Variants in ADAMTS16 observed in about 807,000 individuals in gnomAD.
ADAMTS16 encodes the protein ADAM metallopeptidase with thrombospondin type 1 motif 16.
ADAMTS16 carries 94 observed loss-of-function variants against 145.8 expected under a neutral mutation model. That is an observed-to-expected ratio of 0.64 (90% CI 0.55 to 0.77). The LOEUF (loss-of-function observed/expected upper bound fraction) is 0.77. Among genes scored for constraint, ADAMTS16 ranks in the 30% least tolerant of loss-of-function variants. The probability of loss-of-function intolerance (pLI) is 0.00; values close to 1 mark genes in which losing one functional copy is unlikely to be tolerated. For missense variants in ADAMTS16, 1,585 were observed against 1,591.5 expected, an observed-to-expected ratio of 1.00 and a Z score of 0.07; for synonymous variants, 659 against 604.3, an observed-to-expected ratio of 1.09 and a Z score of -1.33.
intron 11 of ADAMTS16, among the ~76,000 whole-genome samples, chr5:5,228,381 A>T (rs1048697233): frequency 6.6e-6 from 1 of 152,230 alleles, no homozygotes; most frequent in Non-Finnish European, 1.5e-5. Context: ...TATATTGTTA[A>T]GAACCAAGAT....
At chr5:5,241,545 A>G (rs934915864) in intron 16 of ADAMTS16, among the ~76,000 whole-genome samples, 1 of 152,290 alleles carries the variant, frequency 6.6e-6, no homozygotes, top group African/African-American at 2.4e-5. Context: ...CGTTATTTGA[A>G]TTCACCAGGA....
intron 20 of ADAMTS16, 151 bp downstream of exon 20, chr5:5,303,917 A>G: frequency 1.1e-6 from 1 of 878,526 alleles, no homozygotes; most frequent in Non-Finnish European, 1.7e-6. Context: ...CAACAACTTC[A>G]TGGGGTTGCT....
At chr5:5,174,207 T>G (rs192678963) in intron 3 of ADAMTS16, among the ~76,000 whole-genome samples, 9 of 152,324 alleles carry the variant, frequency 5.9e-5, no homozygotes, top group Admixed American at 5.9e-4. Flanking sequence ...TGAGGGATAT[T>G]TTCTCTGCAT....
chr5:5,199,239 G>A (rs573240328), intron 8 of ADAMTS16, among the ~76,000 whole-genome samples: 12 of 152,102 alleles, frequency 7.9e-5, no homozygotes, highest in Admixed American at 3.9e-4. Flanking sequence ...ATTCTCACAG[G>A]TGCACGGCTC....
chr5:5,201,318 G>A (rs1366112296), intron 9 of ADAMTS16, among the ~76,000 whole-genome samples: 1 of 152,026 alleles, frequency 6.6e-6, no homozygotes, highest in Non-Finnish European at 1.5e-5. Context: ...GCCACATGAT[G>A]AACCCCAAAT....
chr5:5,229,081 G>A (rs986121938), intron 11 of ADAMTS16, among the ~76,000 whole-genome samples: 20 of 151,974 alleles, frequency 1.3e-4, no homozygotes, highest in South Asian at 6.2e-4. Context: ...GGTGGATCAC[G>A]AGGTCAGGAG....
intron 18 of ADAMTS16, among the ~76,000 whole-genome samples, chr5:5,276,506 G>A (rs957713304): frequency 6.6e-6 from 1 of 152,210 alleles, no homozygotes; most frequent in Non-Finnish European, 1.5e-5. Flanking sequence ...TATACAAAGA[G>A]CGAAGTGAGC....
At chr5:5,237,544 T>A (rs887279608) in intron 14 of ADAMTS16, among the ~76,000 whole-genome samples, 3 of 151,624 alleles carry the variant, frequency 2.0e-5, no homozygotes, top group African/African-American at 7.3e-5. Context: ...AAGAAGAGGG[T>A]CTCCAAGGCC....
rs575453538 is a variant in ADAMTS16, at chr5:5,234,857, G to A, written c.1851-157G>A. Among the ~76,000 whole-genome samples the A allele has an allele frequency of 6.9e-5, 8 of 115,564 alleles. No individual in the cohort carries two copies. The East Asian group carries it at 2.0e-3, about 28-fold the overall frequency. The allele number at this position is 115,564 out of a possible 152,430, so 75.8% of individuals were successfully genotyped here. ...TACACTCCAGCCTGGGTGACAGAGCGAGACTCCATCTCAAAAAAAAAAAAA... is the reference window on the plus strand; with the variant it reads ...TACACTCCAGCCTGGGTGACAGAGCAAGACTCCATCTCAAAAAAAAAAAAA... On this transcript the variant is annotated intron_variant, in intron 12 of 22. Transcript: ENST00000274181.
Position 5,274,744 on chromosome 5 carries a change from A to ATT in ADAMTS16, c.2789+11962_2789+11963insTT, listed in dbSNP as rs1738623671. ...CACACACATGCACACACAGATATATATATATACACATATATGTATATCATC... is the reference window on the plus strand; with the variant it reads ...CACACACATGCACACACAGATATATATTTATATACACATATATGTATATCATC... On this transcript the variant is annotated intron_variant, in intron 18 of 22. Transcript: ENST00000274181. 4.6e-5 allele frequency among the ~76,000 whole-genome samples: 7 copies of ATT among 151,784 alleles called. No homozygotes were observed. In the South Asian group the frequency reaches 1.5e-3, roughly 32 times the overall value.
At chr5:5,210,842 C>T (rs1042295999) in intron 10 of ADAMTS16, among the ~76,000 whole-genome samples, 7 of 152,092 alleles carry the variant, frequency 4.6e-5, no homozygotes, top group African/African-American at 9.7e-5. Context: ...ATTGTTTCCT[C>T]CTTTGTTCTA....
chr5:5,277,072 G>A (rs1738729736), intron 18 of ADAMTS16, among the ~76,000 whole-genome samples: 1 of 152,176 alleles, frequency 6.6e-6, no homozygotes, highest in African/African-American at 2.4e-5. Flanking sequence ...TGTTGGACAT[G>A]AAACCTATGA....
chr5:5,262,857 T>C, intron 18 of ADAMTS16, 74 bp downstream of exon 18: 1 of 1,579,014 alleles, frequency 6.3e-7, no homozygotes. Flanking sequence ...CAGCTCCTGA[T>C]TTCGAGAGAG....
chr5:5,317,561 A>T lies in ADAMTS16; in HGVS notation c.3412-573A>T, dbSNP rs186841198. ...AGGTGCCCACCACCAGGCCCAGCTA[A>T]TTTTTTTTCTTTTTTTAATAGAGAC... On this transcript the variant is annotated intron_variant, in intron 21 of 22. Coordinates refer to ENST00000274181, the MANE Select transcript of ADAMTS16 (RefSeq NM_139056.4). This position sits in a 1 kb window ranked among gnomAD's most constrained non-coding sequence, Gnocchi z 4.5. 2.7e-5 allele frequency among the ~76,000 whole-genome samples: 4 copies of T among 150,590 alleles called. No individual in the cohort carries two copies. The highest frequency in any genetic ancestry group is 2.6e-4 in the Admixed American group (4 of 15,142).
chr5:5,231,828 G>A (rs565147707), intron 11 of ADAMTS16, among the ~76,000 whole-genome samples: 2 of 152,290 alleles, frequency 1.3e-5, no homozygotes, highest in East Asian at 1.9e-4. Flanking sequence ...TCATCACCCT[G>A]GAAGCTGCGT....
chr5:5,268,299 C>T (rs560582608), intron 18 of ADAMTS16, among the ~76,000 whole-genome samples: 14 of 152,328 alleles, frequency 9.2e-5, no homozygotes, highest in African/African-American at 3.1e-4. Context: ...TGTAAAGTAT[C>T]TGCCTCACGT....
At chr5:5,279,879 C>CCCTT (rs769836445) in intron 18 of ADAMTS16, among the ~76,000 whole-genome samples, 1 of 148,814 alleles carries the variant, frequency 6.7e-6, no homozygotes, top group African/African-American at 2.5e-5. Flanking sequence ...TTCCCTCCCT[C>CCCTT]CCTTCCTTCC....
chr5:5,168,749 T>C (rs1190660868), intron 3 of ADAMTS16, among the ~76,000 whole-genome samples: 2 of 139,598 alleles, frequency 1.4e-5, no homozygotes, highest in Non-Finnish European at 3.0e-5. Flanking sequence ...TAAAATATAA[T>C]TATATAATTA....
At chr5:5,189,530 T>A (rs1232530077) in intron 6 of ADAMTS16, among the ~76,000 whole-genome samples, 1 of 152,236 alleles carries the variant, frequency 6.6e-6, no homozygotes, top group Non-Finnish European at 1.5e-5. Context: ...AAGACTTATT[T>A]ATTGGAAATC....
Sources: gnomAD v4.1 joint callset for allele counts (sites outside exome capture counted in the v4.1 genomes callset) on GRCh38, gnomAD v4.1.1 for gene constraint, Gnocchi (gnomAD v3.1) non-coding constraint, MANE v1.5 for transcripts, NCBI Gene and HGNC (gene_info 2026-07-23, HGNC 2026-07-21) for gene names.